Variants in TTC7B observed in about 807,000 individuals in gnomAD.
The protein encoded by TTC7B is tetratricopeptide repeat protein 7B.
Under a neutral mutation model 106.8 loss-of-function variants are expected in TTC7B, and 28 were observed. The observed-to-expected ratio is 0.26, with a 90% CI of 0.19 to 0.36. TTC7B has a LOEUF of 0.36. Among genes scored for constraint, TTC7B ranks in the 10% least tolerant of loss-of-function variants. The pLI is 1.00. For missense variants in TTC7B, 862 were observed against 1,076.4 expected, an observed-to-expected ratio of 0.80 and a Z score of 2.79; for synonymous variants, 405 against 430.6, an observed-to-expected ratio of 0.94 and a Z score of 0.74.
intron 3 of TTC7B, among the ~76,000 whole-genome samples, chr14:90,758,486 C>A (rs898791243): frequency 3.3e-5 from 5 of 151,552 alleles, no homozygotes; most frequent in African/African-American, 1.2e-4. Context: ...AGGGGGGGCA[C>A]GGTCCCAAGG....
At chr14:90,601,066 G>T (rs1057125902) in intron 17 of TTC7B, among the ~76,000 whole-genome samples, 1 of 152,156 alleles carries the variant, frequency 6.6e-6, no homozygotes, top group Non-Finnish European at 1.5e-5. Context: ...CTGTTGGCTT[G>T]TCAGTCTCCT....
chr14:90,701,690 GTATA>G (rs71461917), intron 5 of TTC7B, among the ~76,000 whole-genome samples: 5 of 77,650 alleles, frequency 6.4e-5, no homozygotes, highest in East Asian at 5.0e-4. Flanking sequence ...CAAAAGAAAC[GTATA>G]TATATATATA....
intron 1 of TTC7B, among the ~76,000 whole-genome samples, chr14:90,799,430 G>C (rs977447932): frequency 2.0e-5 from 3 of 152,210 alleles, no homozygotes; most frequent in African/African-American, 7.2e-5. Flanking sequence ...AAGACAAAGA[G>C]ATAAACCAGA....
At chr14:90,638,941 T>C (rs1233309638) in intron 15 of TTC7B, among the ~76,000 whole-genome samples, 1 of 152,212 alleles carries the variant, frequency 6.6e-6, no homozygotes, top group Non-Finnish European at 1.5e-5. Flanking sequence ...GGTGGAACTG[T>C]GGAGCAACAG....
intron 16 of TTC7B, among the ~76,000 whole-genome samples, chr14:90,613,827 G>A (rs1203517512): frequency 1.3e-5 from 2 of 152,266 alleles, no homozygotes; most frequent in East Asian, 3.8e-4. Flanking sequence ...CCAGATCCAT[G>A]GTATGTAAGC....
chr14:90,584,052 C>A (rs750457570), intron 18 of TTC7B, among the ~76,000 whole-genome samples: 4 of 152,152 alleles, frequency 2.6e-5, no homozygotes, highest in African/African-American at 9.7e-5. Context: ...GGACACCCCT[C>A]GACCTCATCT....
chr14:90,702,598 T>A (rs1324753371), intron 5 of TTC7B, among the ~76,000 whole-genome samples: 1 of 152,222 alleles, frequency 6.6e-6, no homozygotes, highest in Non-Finnish European at 1.5e-5. Context: ...GAAAATCTGC[T>A]TTACTTCTTT....
intron 18 of TTC7B, among the ~76,000 whole-genome samples, chr14:90,590,734 C>A (rs1190648785): frequency 6.6e-6 from 1 of 152,208 alleles, no homozygotes; most frequent in Non-Finnish European, 1.5e-5. Flanking sequence ...TCTTGAAGGA[C>A]TATGTGAATA....
chr14:90,771,172 A>C (rs2089341229), intron 3 of TTC7B, among the ~76,000 whole-genome samples: 1 of 152,170 alleles, frequency 6.6e-6, no homozygotes, highest in Non-Finnish European at 1.5e-5. Context: ...GTGCACTTAA[A>C]AATAATGAAG....
intron 18 of TTC7B, among the ~76,000 whole-genome samples, chr14:90,580,402 G>A (rs1470290734): frequency 6.6e-6 from 1 of 152,182 alleles, no homozygotes; most frequent in Non-Finnish European, 1.5e-5. Context: ...TGAACACCCT[G>A]CCCAAGTTCT....
intron 1 of TTC7B, among the ~76,000 whole-genome samples, chr14:90,789,135 C>G (rs1292186025): frequency 6.6e-6 from 1 of 152,130 alleles, no homozygotes; most frequent in East Asian, 1.9e-4. Flanking sequence ...GAGTTTCGCT[C>G]TTGTCGCCCA....
chr14:90,725,384 C>T (rs1414118316), intron 5 of TTC7B, among the ~76,000 whole-genome samples: 1 of 151,734 alleles, frequency 6.6e-6, no homozygotes, highest in African/African-American at 2.4e-5. Context: ...CAGGAAGCAC[C>T]CTCCTCAGCA....
At chr14:90,694,379 T>C (rs1202912079) in intron 6 of TTC7B, among the ~76,000 whole-genome samples, 7 of 151,910 alleles carry the variant, frequency 4.6e-5, no homozygotes, top group Admixed American at 6.6e-5. Flanking sequence ...TACTAACGAG[T>C]ATAGAGTTTC....
At chr14:90,712,043 A>G (rs1888469725) in intron 5 of TTC7B, among the ~76,000 whole-genome samples, 1 of 148,882 alleles carries the variant, frequency 6.7e-6, no homozygotes, top group Non-Finnish European at 1.5e-5. Context: ...AAATAGGTTG[A>G]AAATAAAAGG....
In TTC7B at chr14:90,528,027, G is replaced by A. The variant is rs548044378; in HGVS notation, c.*13341C>T. The A allele has an allele frequency of 6.6e-6, 1 of 152,076 alleles. No individual in the cohort carries two copies. Among genetic ancestry groups the A allele is most frequent in the South Asian group, 2.1e-4 (1 of 4,820 alleles). The allele number at this position is 152,076 out of a possible 1,614,324, so 9.4% of individuals were successfully genotyped here. ...CCATAGGCATTTATTGGTTGACAAG[G>A]TTGGCATATGTTGTATGAATAAGAG... On this transcript the variant is annotated 3_prime_UTR_variant, in exon 20 of 20. Transcript: ENST00000328459.
chr14:90,561,527 A>C (rs1342172629), intron 19 of TTC7B, among the ~76,000 whole-genome samples: 1 of 152,194 alleles, frequency 6.6e-6, no homozygotes, highest in African/African-American at 2.4e-5. Context: ...ACACCACTGA[A>C]GTCTCTCTGG....
chr14:90,605,875 T>G, intron 17 of TTC7B: 1 of 700,842 alleles, frequency 1.4e-6, no homozygotes, highest in Non-Finnish European at 1.9e-6. Flanking sequence ...AATGAGGTCA[T>G]GTAATACACA....
At chr14:90,796,047 A>G (rs1391254785) in intron 1 of TTC7B, among the ~76,000 whole-genome samples, 2 of 152,208 alleles carry the variant, frequency 1.3e-5, no homozygotes, top group East Asian at 3.9e-4. Flanking sequence ...GAACGCAGGC[A>G]GTCTCCCTAC....
intron 3 of TTC7B, among the ~76,000 whole-genome samples, chr14:90,768,354 G>T (rs577044501): frequency 1.7e-4 from 26 of 152,122 alleles, no homozygotes. Context: ...ACAAGGCAGT[G>T]GGGGAGAGAG....
Sources: gnomAD v4.1 joint callset for allele counts (sites outside exome capture counted in the v4.1 genomes callset) on GRCh38, gnomAD v4.1.1 for gene constraint, MANE v1.5 for transcripts, NCBI Gene and HGNC (gene_info 2026-07-23, HGNC 2026-07-21) for gene names.